The following RAD18 variants were observed in gnomAD, a reference collection of about 807,000 sequenced individuals.
RAD18 encodes RAD18 E3 ubiquitin protein ligase, also known as E3 ubiquitin-protein ligase RAD18.
Under a neutral mutation model 60.4 loss-of-function variants are expected in RAD18, and 47 were observed. That is an observed-to-expected ratio of 0.78 (90% CI 0.62 to 0.99). The LOEUF is 0.99. Ranked by LOEUF, RAD18 falls within the 50% of genes least tolerant of loss-of-function variation. RAD18 has a pLI of 0.00. For missense variants in RAD18, 640 were observed against 593.3 expected (o/e 1.08, Z -0.82); for synonymous variants, 225 against 195.5 (o/e 1.15, Z -1.26).
At chr3:8,885,650 G>A (rs1939547146) in intron 12 of RAD18, among the ~76,000 whole-genome samples, 1 of 152,196 alleles carries the variant, frequency 6.6e-6, no homozygotes, top group South Asian at 2.1e-4. Context: ...GACAGGCACT[G>A]TAAGGGAGGG....
intron 7 of RAD18, among the ~76,000 whole-genome samples, chr3:8,935,330 T>G (rs1338950243): frequency 6.6e-6 from 1 of 152,248 alleles, no homozygotes; most frequent in African/African-American, 2.4e-5. Context: ...TACTATCATT[T>G]TGTAAAAACA....
chr3:8,941,697 G>A lies in RAD18; in HGVS notation c.374C>T (p.Ser125Phe). ...CATTAACCTGCTCCCCTGCTTTAAA[G>A]ACTGTCTGGAGGCTACAGGAGTATA... ...KVYTPVASRQ[S>F]LKQGSRLMDN... is the part of the protein sequence containing the mutation. Residue 125 changes from serine (S) to phenylalanine (F), a missense_variant, in exon 5 of 13, where the codon TCT (serine) becomes TTT (phenylalanine). By Grantham distance (155) the Ser-to-Phe change is radical. Transcript: ENST00000264926. 2 of 1,614,110 alleles carry A rather than the reference G, an allele frequency of 1.2e-6. No individual in the cohort carries two copies. Among genetic ancestry groups the A allele is most frequent in the Non-Finnish European group, 1.7e-6 (2 of 1,179,970 alleles).
chr3:8,928,049 T>TAAAAAAAAAAAAAAAA (rs58756851), intron 7 of RAD18, among the ~76,000 whole-genome samples: 1 of 121,734 alleles, frequency 8.2e-6, no homozygotes, highest in Non-Finnish European at 1.8e-5. Flanking sequence ...CCCTAAAACT[T>TAAAAAAAAAAAAAAAA]AAAAAAAAAA....
At chr3:8,925,988 T>C (rs1306213602) in intron 7 of RAD18, among the ~76,000 whole-genome samples, 1 of 151,972 alleles carries the variant, frequency 6.6e-6, no homozygotes, top group Non-Finnish European at 1.5e-5. Flanking sequence ...AGCATTCCCT[T>C]TGAAAACTGG....
chr3:8,882,453 C>T (rs55711702), intron 12 of RAD18, among the ~76,000 whole-genome samples: 1 of 152,186 alleles, frequency 6.6e-6, no homozygotes, highest in Non-Finnish European at 1.5e-5. Context: ...AGCCAGATAC[C>T]ATGGGAGGAG....
intron 9 of RAD18, among the ~76,000 whole-genome samples, chr3:8,905,870 AAATATAGAATCATT>A (rs1355174846): frequency 6.6e-6 from 1 of 152,236 alleles, no homozygotes; most frequent in Non-Finnish European, 1.5e-5. Flanking sequence ...CTACTTTGAA[AAATATAGAATCATT>A]CTAACAGAAA....
intron 2 of RAD18, among the ~76,000 whole-genome samples, chr3:8,957,691 G>C (rs1353656672): frequency 6.6e-6 from 1 of 152,022 alleles, no homozygotes; most frequent in East Asian, 1.9e-4. Context: ...CAGTAGTTTT[G>C]GTGAAAAACT....
intron 12 of RAD18, among the ~76,000 whole-genome samples, chr3:8,887,594 C>T (rs994348730): frequency 2.0e-5 from 3 of 152,136 alleles, no homozygotes; most frequent in Admixed American, 6.5e-5. Flanking sequence ...AACTGTTATC[C>T]GCCACCTCAG....
chr3:8,885,559 T>G (rs189192267), intron 12 of RAD18, among the ~76,000 whole-genome samples: 1 of 152,174 alleles, frequency 6.6e-6, no homozygotes, highest in Non-Finnish European at 1.5e-5. Context: ...AAAGGAGCCT[T>G]TATTTCTTAT....
rs767777766 is a variant in RAD18 at position 8,878,689 on chromosome 3, A to C, written c.*2668T>G. ...TTCAACTAGACCAGTAATCCTCAAC[A>C]TGAGGTCGAAAAAGAAAGACGAGAG... On this transcript the variant is annotated 3_prime_UTR_variant, in exon 13 of 13. Transcript: ENST00000264926. 4 of 152,196 alleles carry C rather than the reference A, an allele frequency of 2.6e-5. No individual in the cohort carries two copies. The highest frequency in any genetic ancestry group is 4.4e-5 in the Non-Finnish European group (3 of 68,050). 9.4% of individuals were successfully genotyped at this position (152,196 alleles called of 1,614,324 possible). A position where few individuals can be genotyped will look rare whatever the true frequency, so the allele number is the denominator to read the frequency against.
At chr3:8,886,748 G>C (rs889649665) in intron 12 of RAD18, among the ~76,000 whole-genome samples, 1 of 152,198 alleles carries the variant, frequency 6.6e-6, no homozygotes, top group Non-Finnish European at 1.5e-5. Context: ...AAGGGGAAAG[G>C]GCAATTTGGA....
intron 7 of RAD18, among the ~76,000 whole-genome samples, chr3:8,925,565 A>G (rs567544984): frequency 5.3e-4 from 81 of 152,304 alleles, no homozygotes; most frequent in African/African-American, 1.8e-3. Context: ...ATTTTATGAG[A>G]CCAGCATCAT....
chr3:8,914,876 C>T (rs1001923811), intron 7 of RAD18, among the ~76,000 whole-genome samples: 4 of 152,316 alleles, frequency 2.6e-5, no homozygotes, highest in East Asian at 3.9e-4. Context: ...CAGTGGCTCA[C>T]GCCTCTAATC....
chr3:8,906,330 C>T (rs1940000519), intron 9 of RAD18, among the ~76,000 whole-genome samples: 1 of 152,082 alleles, frequency 6.6e-6, no homozygotes, highest in Non-Finnish European at 1.5e-5. Context: ...AACAAGCAAA[C>T]AAAACCCTCC....
In RAD18 at chr3:8,939,658, A is replaced by G. The variant is rs1228609086; in HGVS notation, c.605-5T>C. ...CCCCGCAAACAGGACAATCCACTGTATTTTTTAAAAAGAAAAAGAGAGACT... is the reference window on the plus strand; with the variant it reads ...CCCCGCAAACAGGACAATCCACTGTGTTTTTTAAAAAGAAAAAGAGAGACT... On this transcript the variant is annotated splice_region_variant and splice_polypyrimidine_tract_variant and intron_variant, in intron 5 of 12. Transcript: ENST00000264926. 2 of 1,603,886 alleles carry G rather than the reference A, an allele frequency of 1.2e-6. No individual in the cohort carries two copies. The highest frequency in any genetic ancestry group is 1.7e-5 in the Admixed American group (1 of 59,066).
chr3:8,959,136 G>A, intron 1 of RAD18, 135 bp from the exon 2 acceptor site: 1 of 694,802 alleles, frequency 1.4e-6, no homozygotes, highest in Non-Finnish European at 2.6e-6. Flanking sequence ...GCTAACTCCA[G>A]ATAAACTGCA....
At chr3:8,921,549 G>T (rs1303437352) in intron 7 of RAD18, among the ~76,000 whole-genome samples, 1 of 152,100 alleles carries the variant, frequency 6.6e-6, no homozygotes, top group African/African-American at 2.4e-5. Flanking sequence ...CTGGCAGGCT[G>T]AAACAGGAGG....
At chr3:8,921,996 A>C (rs1435899582) in intron 7 of RAD18, among the ~76,000 whole-genome samples, 1 of 152,236 alleles carries the variant, frequency 6.6e-6, no homozygotes, top group Admixed American at 6.5e-5. Context: ...TCCAGTCTAC[A>C]GCTCTCAGCA....
intron 12 of RAD18, among the ~76,000 whole-genome samples, chr3:8,882,319 G>A (rs536408197): frequency 3.3e-4 from 51 of 152,310 alleles, no homozygotes; most frequent in Admixed American, 1.1e-3. Context: ...TTGCAGGAAC[G>A]CAGGCAAAGA....
Sources: gnomAD v4.1 joint callset for allele counts (sites outside exome capture counted in the v4.1 genomes callset) on GRCh38, gnomAD v4.1.1 for gene constraint, MANE v1.5 for transcripts, NCBI Gene and HGNC (gene_info 2026-07-23, HGNC 2026-07-21) for gene names.